The following OPCML variants were observed in gnomAD, a reference collection of about 807,000 sequenced individuals.
OPCML encodes opioid binding protein/cell adhesion molecule like, also known as opioid-binding protein/cell adhesion molecule.
Under a neutral mutation model 37.8 loss-of-function variants are expected in OPCML, and 13 were observed. That is an observed-to-expected ratio of 0.34 (90% confidence interval 0.22 to 0.55). The LOEUF is 0.55. Among genes scored for constraint, OPCML ranks in the 20% least tolerant of loss-of-function variants. The pLI, the probability that OPCML is intolerant of heterozygous loss-of-function variation, is 0.91. For missense variants in OPCML, 341 were observed against 435.6 expected, an observed-to-expected ratio of 0.78 and a Z score of 1.93; for synonymous variants, 176 against 168.8, an observed-to-expected ratio of 1.04 and a Z score of -0.33.
intron 2 of OPCML, among the ~76,000 whole-genome samples, chr11:132,877,861 T>C (rs1052415697): frequency 2.0e-5 from 3 of 152,256 alleles, no homozygotes; most frequent in Admixed American, 1.3e-4. Flanking sequence ...CATATGGTCA[T>C]AGGAACATTG....
intron 3 of OPCML, among the ~76,000 whole-genome samples, chr11:132,617,290 A>T (rs995858945): frequency 3.9e-5 from 6 of 152,210 alleles, no homozygotes; most frequent in African/African-American, 1.4e-4. Context: ...CAGAACATAT[A>T]TTCACAAAAC....
intron 7 of OPCML, among the ~76,000 whole-genome samples, chr11:132,424,874 G>C (rs933779753): frequency 6.6e-6 from 1 of 152,190 alleles, no homozygotes; most frequent in Non-Finnish European, 1.5e-5. Flanking sequence ...TGTTTAGATA[G>C]TTCCAAAATA....
chr11:133,182,851 G>A (rs897592363), intron 1 of OPCML, among the ~76,000 whole-genome samples: 7 of 152,122 alleles, frequency 4.6e-5, no homozygotes, highest in Admixed American at 3.9e-4. Context: ...AACCGTCATA[G>A]ATGCCTGTTC....
At chr11:132,805,311 C>T (rs1938936537) in intron 2 of OPCML, among the ~76,000 whole-genome samples, 1 of 152,064 alleles carries the variant, frequency 6.6e-6, no homozygotes, top group African/African-American at 2.4e-5. Context: ...ATACAGAATG[C>T]TATTAAATGA....
intron 2 of OPCML, among the ~76,000 whole-genome samples, chr11:132,729,861 C>A (rs1217209655): frequency 1.3e-5 from 2 of 152,048 alleles, no homozygotes; most frequent in Admixed American, 1.3e-4. Context: ...GGATATTCTA[C>A]CAAAGGCAAG....
chr11:132,931,163 C>T (rs990130268), intron 2 of OPCML, among the ~76,000 whole-genome samples: 3 of 150,850 alleles, frequency 2.0e-5, no homozygotes, highest in African/African-American at 7.3e-5. Context: ...AAAAAAAAAC[C>T]CTCAAAATGG....
At chr11:132,807,459 T>C (rs1939082751) in intron 2 of OPCML, among the ~76,000 whole-genome samples, 1 of 152,182 alleles carries the variant, frequency 6.6e-6, no homozygotes, top group Non-Finnish European at 1.5e-5. Context: ...ATGCATTCTA[T>C]AAAAAAATCT....
At chr11:132,770,689 A>C (rs542074754) in intron 2 of OPCML, among the ~76,000 whole-genome samples, 2 of 152,166 alleles carry the variant, frequency 1.3e-5, no homozygotes, top group African/African-American at 2.4e-5. Context: ...TCATTGTGCC[A>C]TTCGACTCTG....
At chr11:133,530,027 A>T (rs1383803798) in intron 1 of OPCML, among the ~76,000 whole-genome samples, 1 of 151,890 alleles carries the variant, frequency 6.6e-6, no homozygotes, top group Non-Finnish European at 1.5e-5. Flanking sequence ...CAGGTAACAG[A>T]CTCTTCAGAA....
intron 1 of OPCML, among the ~76,000 whole-genome samples, chr11:132,946,927 T>C (rs1372296118): frequency 1.3e-5 from 2 of 152,222 alleles, no homozygotes; most frequent in Non-Finnish European, 2.9e-5. Flanking sequence ...CTCTTTTTCA[T>C]ACTTTAATTT....
chr11:133,261,037 C>T (rs1175356286), intron 1 of OPCML, among the ~76,000 whole-genome samples: 1 of 152,180 alleles, frequency 6.6e-6, no homozygotes, highest in Non-Finnish European at 1.5e-5. Flanking sequence ...AAGGTCAGTT[C>T]TTTTGTCCAT....
chr11:133,094,030 T>G (rs1040238991), intron 1 of OPCML, among the ~76,000 whole-genome samples: 61 of 152,196 alleles, frequency 4.0e-4, no homozygotes, highest in African/African-American at 1.2e-3. Context: ...AAAAATCAGG[T>G]CCCCTCGTGT....
intron 1 of OPCML, among the ~76,000 whole-genome samples, chr11:133,387,656 C>G (rs752357499): frequency 6.6e-6 from 1 of 152,186 alleles, no homozygotes; most frequent in African/African-American, 2.4e-5. Flanking sequence ...ATTCAGTGAT[C>G]GCTGTATTCC....
intron 2 of OPCML, among the ~76,000 whole-genome samples, chr11:132,755,063 G>A (rs1232443609): frequency 6.6e-6 from 1 of 151,968 alleles, no homozygotes; most frequent in Non-Finnish European, 1.5e-5. Flanking sequence ...CAAATATATA[G>A]AAAATTTGAA....
At chr11:132,805,754 C>T (rs1938965999) in intron 2 of OPCML, among the ~76,000 whole-genome samples, 4 of 151,988 alleles carry the variant, frequency 2.6e-5, no homozygotes, top group Admixed American at 2.6e-4. Context: ...CAGATTTTCA[C>T]TGTAAGAAAT....
chr11:132,784,342 A>G (rs534543914), intron 2 of OPCML, among the ~76,000 whole-genome samples: 1 of 152,230 alleles, frequency 6.6e-6, no homozygotes, highest in South Asian at 2.1e-4. Flanking sequence ...CCCCTAACCG[A>G]TCACACAGAA....
intron 4 of OPCML, among the ~76,000 whole-genome samples, chr11:132,508,313 C>T (rs1187529523): frequency 6.6e-6 from 1 of 152,052 alleles, no homozygotes. Context: ...AAATCAGTAA[C>T]AAAATATTGA....
chr11:132,547,879 A>C (rs1591534726), intron 3 of OPCML, among the ~76,000 whole-genome samples: 1 of 152,264 alleles, frequency 6.6e-6, no homozygotes, highest in East Asian at 1.9e-4. Flanking sequence ...AGTGAAGGAG[A>C]GAGACCCAAA....
At chr11:132,453,164 G>T (rs1417094133) in intron 4 of OPCML, among the ~76,000 whole-genome samples, 1 of 152,178 alleles carries the variant, frequency 6.6e-6, no homozygotes, top group South Asian at 2.1e-4. Context: ...CTTCGCATTT[G>T]TCATGTTAGA....
Sources: allele counts gnomAD v4.1 joint callset (sites outside exome capture counted in the v4.1 genomes callset), GRCh38; gene constraint gnomAD v4.1.1; transcripts MANE v1.5; gene names NCBI Gene and HGNC (gene_info 2026-07-23, HGNC 2026-07-21).